Variants in HECW1 observed in about 807,000 individuals in gnomAD.
HECW1 encodes E3 ubiquitin-protein ligase HECW1.
HECW1 carries 61 observed loss-of-function variants against 182.3 expected under a neutral mutation model. The observed-to-expected ratio is 0.33, with a 90% confidence interval of 0.27 to 0.41. The LOEUF (loss-of-function observed/expected upper bound fraction) is 0.41. HECW1 is among the 10% of genes least tolerant of loss of function. The pLI is 1.00. For missense variants in HECW1, 1,739 were observed against 2,108.9 expected (o/e 0.82, Z 3.44); for synonymous variants, 859 against 832.6 (o/e 1.03, Z -0.55).
At chr7:43,275,950 A>T (rs1435461770) in intron 3 of HECW1, among the ~76,000 whole-genome samples, 2 of 152,194 alleles carry the variant, frequency 1.3e-5, no homozygotes, top group Non-Finnish European at 2.9e-5. Context: ...ATTGTTTCAT[A>T]CATTGAGATC....
At position 43,507,142 on chromosome 7, in the gene HECW1, C is replaced by G; in HGVS notation, c.3637C>G (p.Gln1213Glu). ...CTGTGTGCTTCTCTCTGCAGGTTTA[C>G]AGAGAGCCAGTGCAAGAGCCCCTTC... ...CSSPQNSPGL[Q>E]RASARAPSPY... is the part of the protein sequence containing the mutation. The change falls in exon 22 of 30, where the codon CAG becomes GAG. Residue 1213 changes from glutamine to glutamate, a missense_variant. Transcript: ENST00000395891. The G allele has an allele frequency of 6.2e-7, 1 of 1,613,650 alleles. No homozygotes were observed. Among genetic ancestry groups the G allele is most frequent in the Non-Finnish European group, 8.5e-7 (1 of 1,179,686 alleles).
At chr7:43,440,768 A>G (rs1235026796) in intron 9 of HECW1, among the ~76,000 whole-genome samples, 1 of 152,208 alleles carries the variant, frequency 6.6e-6, no homozygotes, top group Non-Finnish European at 1.5e-5. Flanking sequence ...GGCTCTTTCT[A>G]AACAGACAAA....
intron 2 of HECW1, among the ~76,000 whole-genome samples, chr7:43,157,414 C>CTCAGACTATTTCTGAGTAGACTAT (rs1554295253): frequency 3.3e-5 from 5 of 152,074 alleles, no homozygotes; most frequent in Non-Finnish European, 7.4e-5. Context: ...TCTGAGTAGA[C>CTCAGACTATTTCTGAGTAGACTAT]TATTAAAATA....
intron 2 of HECW1, among the ~76,000 whole-genome samples, chr7:43,126,231 C>A (rs1220503640): frequency 6.6e-6 from 1 of 151,986 alleles, no homozygotes; most frequent in African/African-American, 2.4e-5. Context: ...AAGCATTGTG[C>A]AAACCTTCTT....
intron 8 of HECW1, among the ~76,000 whole-genome samples, chr7:43,419,571 A>T (rs1445631309): frequency 1.3e-5 from 2 of 152,190 alleles, no homozygotes; most frequent in Non-Finnish European, 2.9e-5. Context: ...AAATAAATTA[A>T]TGTAAGCCAC....
At chr7:43,246,408 C>T (rs1799381533) in intron 3 of HECW1, among the ~76,000 whole-genome samples, 1 of 152,190 alleles carries the variant, frequency 6.6e-6, no homozygotes, top group Non-Finnish European at 1.5e-5. Context: ...CTGGGAGAGG[C>T]TCATACAAGG....
intron 2 of HECW1, among the ~76,000 whole-genome samples, chr7:43,215,210 C>T (rs1796336266): frequency 6.6e-6 from 1 of 152,266 alleles, no homozygotes; most frequent in South Asian, 2.1e-4. Flanking sequence ...AGAATGCACA[C>T]TGCCCTTGGG....
At chr7:43,370,268 A>G (rs1226106476) in intron 6 of HECW1, among the ~76,000 whole-genome samples, 2 of 152,332 alleles carry the variant, frequency 1.3e-5, no homozygotes, top group Admixed American at 1.3e-4. Flanking sequence ...CCAACAATAT[A>G]TGTCATTAGA....
chr7:43,302,974 TACCAG>T (rs760360795), intron 3 of HECW1, among the ~76,000 whole-genome samples: 47 of 123,826 alleles, frequency 3.8e-4, no homozygotes, highest in Admixed American at 1.6e-3. Context: ...CACACAGGAA[TACCAG>T]TTCTCACCTT....
intron 3 of HECW1, among the ~76,000 whole-genome samples, chr7:43,294,421 G>A (rs541563779): frequency 6.6e-6 from 1 of 152,296 alleles, no homozygotes; most frequent in South Asian, 2.1e-4. Context: ...GCATTTTCTT[G>A]GCAGAGAGAG....
chr7:43,283,173 C>G (rs546040218), intron 3 of HECW1, among the ~76,000 whole-genome samples: 3 of 151,676 alleles, frequency 2.0e-5, no homozygotes, highest in Non-Finnish European at 4.4e-5. Context: ...AGTTTGGGGA[C>G]CCCTGGAAGG....
chr7:43,529,019 A>G (rs1043985054), intron 24 of HECW1, among the ~76,000 whole-genome samples: 3 of 152,162 alleles, frequency 2.0e-5, no homozygotes, highest in South Asian at 2.1e-4. Flanking sequence ...AGGTGGGTGT[A>G]GAGAATAGAC....
chr7:43,371,279 C>T (rs543040380), intron 6 of HECW1, among the ~76,000 whole-genome samples: 1 of 152,242 alleles, frequency 6.6e-6, no homozygotes, highest in Non-Finnish European at 1.5e-5. Context: ...ACAGTAACCA[C>T]TGATGGGAAG....
At chr7:43,509,422 A>C in intron 24 of HECW1, 1 of 233,068 alleles carries the variant, frequency 4.3e-6, no homozygotes, top group Non-Finnish European at 8.2e-6. Context: ...ATTTTACTAA[A>C]ATCATAGGGT....
At chr7:43,459,234 C>G (rs1018066262) in intron 13 of HECW1, among the ~76,000 whole-genome samples, 1 of 152,204 alleles carries the variant, frequency 6.6e-6, no homozygotes, top group African/African-American at 2.4e-5. Context: ...CCTGTTCTTA[C>G]CTTTTTGCCT....
intron 2 of HECW1, among the ~76,000 whole-genome samples, chr7:43,133,418 A>G (rs1453428636): frequency 6.6e-6 from 1 of 151,998 alleles, no homozygotes; most frequent in Non-Finnish European, 1.5e-5. Flanking sequence ...TTCCGTATCA[A>G]TCTGATAAAT....
At chr7:43,519,921 C>T (rs2080374523) in intron 24 of HECW1, among the ~76,000 whole-genome samples, 1 of 152,044 alleles carries the variant, frequency 6.6e-6, no homozygotes, top group African/African-American at 2.4e-5. Context: ...TGGAAGGGCA[C>T]ATTTTAGATT....
chr7:43,270,765 AAG>A (rs1434684356), intron 3 of HECW1, among the ~76,000 whole-genome samples: 1 of 152,256 alleles, frequency 6.6e-6, no homozygotes, highest in African/African-American at 2.4e-5. Context: ...TAGAATTAAA[AAG>A]AGTTAAATAA....
At chr7:43,177,926 T>G (rs1792421068) in intron 2 of HECW1, among the ~76,000 whole-genome samples, 1 of 152,202 alleles carries the variant, frequency 6.6e-6, no homozygotes, top group South Asian at 2.1e-4. Context: ...ATTTTCATCT[T>G]TCTTTAGCAC....
Sources: gnomAD v4.1 joint callset for allele counts (sites outside exome capture counted in the v4.1 genomes callset) on GRCh38, gnomAD v4.1.1 for gene constraint, MANE v1.5 for transcripts, NCBI Gene and HGNC (gene_info 2026-07-23, HGNC 2026-07-21) for gene names.